FCHO2: variants seen among roughly 807,000 people sequenced by gnomAD.
The protein encoded by FCHO2 is F-BAR domain only protein 2.
Under a neutral mutation model 114.1 loss-of-function variants are expected in FCHO2, and 43 were observed. The observed-to-expected ratio is 0.38, with a 90% CI of 0.30 to 0.49. FCHO2 has a LOEUF of 0.49. Ranked by LOEUF, FCHO2 falls within the 20% of genes least tolerant of loss-of-function variation. The probability of loss-of-function intolerance (pLI) is 0.97; values close to 1 mark genes in which losing one functional copy is unlikely to be tolerated. For synonymous variants in FCHO2, 293 were observed against 315.2 expected, an observed-to-expected ratio of 0.93 and a Z score of 0.75; for missense variants, 807 against 950.4, an observed-to-expected ratio of 0.85 and a Z score of 1.98.
intron 6 of FCHO2, among the ~76,000 whole-genome samples, chr5:73,010,102 G>A (rs1340669278): frequency 6.6e-6 from 1 of 152,098 alleles, no homozygotes; most frequent in Non-Finnish European, 1.5e-5. Context: ...CCACTTAACT[G>A]TTTTTCCAGG....
At chr5:73,073,979 T>C (rs2112884238) in intron 19 of FCHO2, among the ~76,000 whole-genome samples, 1 of 152,154 alleles carries the variant, frequency 6.6e-6, no homozygotes, top group Admixed American at 6.6e-5. Flanking sequence ...AGGCACGCAG[T>C]GGTAAGAAGA....
chr5:72,981,313 A>G (rs1228670834), intron 2 of FCHO2, among the ~76,000 whole-genome samples: 4 of 152,158 alleles, frequency 2.6e-5, no homozygotes, highest in Non-Finnish European at 4.4e-5. Context: ...AGAGATATCC[A>G]CTGTTAGTCT....
intron 2 of FCHO2, among the ~76,000 whole-genome samples, chr5:72,976,703 A>G (rs1752905204): frequency 6.6e-6 from 1 of 151,998 alleles, no homozygotes; most frequent in African/African-American, 2.4e-5. Context: ...TACATGTGCC[A>G]TGGTGGTTTG....
chr5:72,973,499 G>T (rs1457357143), intron 2 of FCHO2, among the ~76,000 whole-genome samples: 19 of 152,030 alleles, frequency 1.2e-4, no homozygotes, highest in Non-Finnish European at 2.2e-4. Context: ...TAGAGGTGTT[G>T]GTAGTATTCT....
At chr5:73,034,988 ATCCATGTTTAAGCCTTGT>A (rs1341927212) in intron 9 of FCHO2, among the ~76,000 whole-genome samples, 5 of 152,188 alleles carry the variant, frequency 3.3e-5, no homozygotes, top group Non-Finnish European at 7.4e-5. Context: ...CTTCATTGAC[ATCCATGTTTAAGCCTTGT>A]TCCATGTTTA....
At chr5:72,966,486 C>A (rs1451135587) in intron 1 of FCHO2, among the ~76,000 whole-genome samples, 1 of 152,072 alleles carries the variant, frequency 6.6e-6, no homozygotes, top group East Asian at 1.9e-4. Context: ...GTTGCAGAAG[C>A]CAAATGGAAA....
At position 72,988,795 on chromosome 5, in the gene FCHO2, A is replaced by T. The variant is rs1753672436; in HGVS notation, c.126-632A>T. 7.2e-5 allele frequency among the ~76,000 whole-genome samples: 11 copies of T among 152,246 alleles called. No individual in the cohort carries two copies. In the South Asian group the frequency reaches 2.3e-3, roughly 31 times the overall value. ...AACAAAGAATTATTAAATACAAATG[A>T]CACACTTATCACAGTGAACCAGCTT... On this transcript the variant is annotated intron_variant, in intron 2 of 25. Coordinates refer to ENST00000430046, the MANE Select transcript of FCHO2 (RefSeq NM_138782.3).
intron 17 of FCHO2, among the ~76,000 whole-genome samples, chr5:73,061,779 A>G (rs1008450080): frequency 1.6e-4 from 25 of 152,102 alleles, no homozygotes; most frequent in Non-Finnish European, 3.5e-4. Context: ...TAAAGCTGAA[A>G]ATACTTTTAG....
chr5:73,062,061 T>G (rs899699668), intron 17 of FCHO2, among the ~76,000 whole-genome samples: 1 of 152,064 alleles, frequency 6.6e-6, no homozygotes, highest in Non-Finnish European at 1.5e-5. Flanking sequence ...CGCCTATGTT[T>G]TTTTATACTT....
chr5:72,983,646 C>G (rs1382718032), intron 2 of FCHO2, among the ~76,000 whole-genome samples: 1 of 149,322 alleles, frequency 6.7e-6, no homozygotes, highest in Non-Finnish European at 1.5e-5. Context: ...ACCTCTGCAT[C>G]CCAAAGTGCC....
chr5:72,991,054 G>A (rs764924605), intron 5 of FCHO2, among the ~76,000 whole-genome samples, 190 bp downstream of exon 5: 1 of 152,150 alleles, frequency 6.6e-6, no homozygotes, highest in Non-Finnish European at 1.5e-5. Flanking sequence ...AAATAGGTTA[G>A]CGAGCACTAA....
In FCHO2 at chr5:73,088,203, T is replaced by C; in HGVS notation, c.*113T>C. 7.2e-7 allele frequency: 1 copy of C among 1,394,308 alleles called. No individual in the cohort carries two copies. The highest frequency in any genetic ancestry group is 1.0e-6 in the Non-Finnish European group (1 of 1,003,618). 86.4% of individuals were successfully genotyped at this position (1,394,308 alleles called of 1,614,324 possible). A position where few individuals can be genotyped will look rare whatever the true frequency, so the allele number is the denominator to read the frequency against. ...TGATGTCTTTCAAACTTAGACATAT[T>C]TGAGAGCTGACTACAAACATTAAAT... On this transcript the variant is annotated 3_prime_UTR_variant, in exon 26 of 26. Coordinates refer to ENST00000430046, the MANE Select transcript of FCHO2 (RefSeq NM_138782.3).
chr5:73,044,680 CT>C (rs1468602617), intron 11 of FCHO2, among the ~76,000 whole-genome samples: 1 of 151,662 alleles, frequency 6.6e-6, no homozygotes, highest in African/African-American at 2.4e-5. Context: ...TTTCTTTTTT[CT>C]TTTTCTTTTT....
intron 5 of FCHO2, among the ~76,000 whole-genome samples, chr5:72,996,640 C>G (rs1302925237): frequency 6.6e-6 from 1 of 151,804 alleles, no homozygotes; most frequent in African/African-American, 2.4e-5. Context: ...CGACCTGTCT[C>G]GGCCCGCAAC....
chr5:73,005,116 GTACAT>G (rs1754647511), intron 5 of FCHO2, among the ~76,000 whole-genome samples: 1 of 152,158 alleles, frequency 6.6e-6, no homozygotes, highest in Non-Finnish European at 1.5e-5. Flanking sequence ...AGGCAGGAAA[GTACAT>G]AACATATATA....
chr5:72,984,895 CAA>C (rs1365572263), intron 2 of FCHO2, among the ~76,000 whole-genome samples: 1 of 152,066 alleles, frequency 6.6e-6, no homozygotes, highest in East Asian at 1.9e-4. Context: ...CTCGGCCTCC[CAA>C]AGAGTCGGGA....
chr5:73,063,780 T>G, intron 17 of FCHO2, 61 bp from the exon 18 acceptor site: 1 of 1,433,522 alleles, frequency 7.0e-7, no homozygotes, highest in Non-Finnish European at 9.7e-7. Flanking sequence ...TAGAATGTCT[T>G]TATGTAAGGA....
chr5:72,971,661 C>A (rs1317395961), intron 2 of FCHO2, among the ~76,000 whole-genome samples: 4 of 152,168 alleles, frequency 2.6e-5, no homozygotes, highest in African/African-American at 4.8e-5. Context: ...TGCCTGTTCA[C>A]TCTAATGGTA....
intron 2 of FCHO2, among the ~76,000 whole-genome samples, chr5:72,978,089 C>T (rs747892747): frequency 2.6e-4 from 40 of 152,148 alleles, no homozygotes; most frequent in Admixed American, 4.6e-4. Flanking sequence ...CTTGGCTATA[C>T]AGGCTGTTTT....
Sources: allele counts gnomAD v4.1 joint callset (sites outside exome capture counted in the v4.1 genomes callset), GRCh38; gene constraint gnomAD v4.1.1; transcripts MANE v1.5; gene names NCBI Gene and HGNC (gene_info 2026-07-23, HGNC 2026-07-21).